Variants in WDR27 observed in about 807,000 individuals in gnomAD.
WDR27 encodes WD repeat domain 27.
Under a neutral mutation model 114.4 loss-of-function variants are expected in WDR27, and 100 were observed. The observed-to-expected ratio is 0.87, with a 90% confidence interval of 0.74 to 1.03. WDR27 has a LOEUF of 1.03. Among genes scored for constraint, WDR27 ranks in the 50% least tolerant of loss-of-function variants. The pLI is 0.00. For synonymous variants in WDR27, 449 were observed against 423.1 expected, an observed-to-expected ratio of 1.06 and a Z score of -0.75; for missense variants, 1,129 against 1,092.9, an observed-to-expected ratio of 1.03 and a Z score of -0.47.
intron 23 of WDR27, among the ~76,000 whole-genome samples, chr6:169,597,895 C>G (rs941445197): frequency 2.1e-4 from 32 of 151,802 alleles, no homozygotes; most frequent in African/African-American, 7.3e-4. Context: ...CACACACACA[C>G]ACACACACAC....
chr6:169,529,222 G>C lies in WDR27; in HGVS notation c.2645+43197C>G, dbSNP rs189920257. 2.7e-5 allele frequency among the ~76,000 whole-genome samples: 4 copies of C among 147,120 alleles called. No homozygotes were observed. The Admixed American group carries it at 2.8e-4, about 10-fold the overall frequency. Reference sequence around the variant, plus strand: ...GAATCTCATTTCACTATGTGCGTGTGCATATATGTGTGAATAGACGCATAC... The same window carrying C: ...GAATCTCATTTCACTATGTGCGTGTCCATATATGTGTGAATAGACGCATAC... On this transcript the variant is annotated intron_variant, in intron 25 of 25. Transcript: ENST00000448612.
chr6:169,500,883 C>A (rs543054755), intron 25 of WDR27, among the ~76,000 whole-genome samples: 1 of 152,348 alleles, frequency 6.6e-6, no homozygotes, highest in Admixed American at 6.5e-5. Context: ...GGGCCCCGTG[C>A]AGGGCAGGAC....
chr6:169,586,847 C>CAAAAAAAAAAAAAAAAAAAAAAAAA (rs3029697), intron 23 of WDR27, among the ~76,000 whole-genome samples: 1 of 32,056 alleles, frequency 3.1e-5, no homozygotes, highest in African/African-American at 1.2e-4. Context: ...GACTCTGTCT[C>CAAAAAAAAAAAAAAAAAAAAAAAAA]AAAAAAAAAA....
intron 25 of WDR27, among the ~76,000 whole-genome samples, chr6:169,496,122 C>G (rs911977980): frequency 4.6e-5 from 7 of 152,022 alleles, no homozygotes; most frequent in African/African-American, 1.7e-4. Flanking sequence ...ATACAAAAAT[C>G]AATTAACATA....
intron 25 of WDR27, among the ~76,000 whole-genome samples, chr6:169,528,122 A>C (rs1295293360): frequency 6.6e-6 from 1 of 152,240 alleles, no homozygotes; most frequent in East Asian, 1.9e-4. Context: ...ATATGTAAGA[A>C]CAAATTACAT....
At chr6:169,449,141 G>A in the WDR27 span, among the ~76,000 whole-genome samples, 2 of 152,250 alleles carry the variant, frequency 1.3e-5, no homozygotes, top group African/African-American at 4.8e-5. Flanking sequence ...GGATGTCTGG[G>A]ATGAAAACTC....
chr6:169,500,927 A>G (rs1156635444), intron 25 of WDR27, among the ~76,000 whole-genome samples: 2 of 152,186 alleles, frequency 1.3e-5, no homozygotes, highest in African/African-American at 4.8e-5. Flanking sequence ...TGCTCCCTAG[A>G]TGTGGACACC....
chr6:169,667,758 G>A (rs1828262516), intron 5 of WDR27, among the ~76,000 whole-genome samples: 2 of 152,216 alleles, frequency 1.3e-5, no homozygotes, highest in African/African-American at 4.8e-5. Context: ...ATCCGGGGCC[G>A]CAGAACCGTC....
chr6:169,483,127 A>T (rs113496394), intron 25 of WDR27, among the ~76,000 whole-genome samples: 1,783 of 152,346 alleles, frequency 0.012, 38 homozygotes, highest in African/African-American at 0.041. Flanking sequence ...TAAAAGAACT[A>T]AAGAAGCAAG....
chr6:169,617,565 C>T (rs569815465), intron 21 of WDR27, among the ~76,000 whole-genome samples: 9 of 152,060 alleles, frequency 5.9e-5, no homozygotes, highest in South Asian at 2.1e-4. Context: ...TAGTAAAGAC[C>T]GGGTTTCACC....
chr6:169,675,568 G>C (rs928001469), intron 2 of WDR27, among the ~76,000 whole-genome samples: 1 of 152,170 alleles, frequency 6.6e-6, no homozygotes. Context: ...ACTTTAGGGA[G>C]GCATGAGACA....
chr6:169,544,279 T>A (rs1358850000), intron 25 of WDR27, among the ~76,000 whole-genome samples: 1 of 151,958 alleles, frequency 6.6e-6, no homozygotes, highest in African/African-American at 2.4e-5. Flanking sequence ...GGGAAGGAAA[T>A]AAACTGTCCC....
chr6:169,551,444 A>AT (rs1562568289), intron 25 of WDR27, among the ~76,000 whole-genome samples: 1 of 152,152 alleles, frequency 6.6e-6, no homozygotes, highest in East Asian at 1.9e-4. Flanking sequence ...TTTTCTCAAC[A>AT]TAACAACCTG....
chr6:169,665,759 C>G lies in WDR27; in HGVS notation c.713-203G>C, dbSNP rs188823432. ...ACAAATGTTGAAAACCCCATAAACACAATGAAGGCTGGGGACATCACCCCA... is the reference window on the plus strand; with the variant it reads ...ACAAATGTTGAAAACCCCATAAACAGAATGAAGGCTGGGGACATCACCCCA... On this transcript the variant is annotated intron_variant, in intron 6 of 25. Coordinates refer to ENST00000448612, the MANE Select transcript of WDR27 (RefSeq NM_182552.5). Among the ~76,000 whole-genome samples, 10 of 152,314 alleles carry G rather than the reference C, an allele frequency of 6.6e-5. No individual in the cohort carries two copies. The East Asian group carries it at 1.9e-3, about 29-fold the overall frequency.
At chr6:169,480,557 T>C (rs1583670822) in intron 25 of WDR27, among the ~76,000 whole-genome samples, 2 of 152,348 alleles carry the variant, frequency 1.3e-5, no homozygotes, top group African/African-American at 2.4e-5. Context: ...GGATTTTATA[T>C]GCACCAATCA....
the WDR27 span, among the ~76,000 whole-genome samples, chr6:169,429,391 A>C: frequency 1.3e-5 from 2 of 149,360 alleles, no homozygotes; most frequent in Non-Finnish European, 3.0e-5. Flanking sequence ...TTGTGAAAAG[A>C]CCACACTCTT....
intron 25 of WDR27, among the ~76,000 whole-genome samples, chr6:169,471,230 G>T (rs1786341482): frequency 6.6e-6 from 1 of 151,874 alleles, no homozygotes; most frequent in South Asian, 2.1e-4. Flanking sequence ...TCAGGTCTAA[G>T]AATACAGAGC....
intron 25 of WDR27, among the ~76,000 whole-genome samples, chr6:169,496,377 A>G (rs1790408135): frequency 6.6e-6 from 1 of 152,140 alleles, no homozygotes; most frequent in African/African-American, 2.4e-5. Flanking sequence ...CTTTTCCTCT[A>G]AAATCAAGAA....
At chr6:169,494,632 A>G (rs1476279696) in intron 25 of WDR27, among the ~76,000 whole-genome samples, 1 of 152,194 alleles carries the variant, frequency 6.6e-6, no homozygotes, top group African/African-American at 2.4e-5. Flanking sequence ...CTGCATTTAC[A>G]GCATTTCCTC....
Sources: gnomAD v4.1 joint callset for allele counts (sites outside exome capture counted in the v4.1 genomes callset) on GRCh38, gnomAD v4.1.1 for gene constraint, MANE v1.5 for transcripts, NCBI Gene and HGNC (gene_info 2026-07-23, HGNC 2026-07-21) for gene names.